Variants in NLRP9 observed in about 807,000 individuals in gnomAD.
NLRP9 encodes the protein NLR family pyrin domain containing 9.
NLRP9 carries 88 observed loss-of-function variants against 83.1 expected under a neutral mutation model. The observed-to-expected ratio is 1.06, with a 90% confidence interval of 0.89 to 1.26. The LOEUF (loss-of-function observed/expected upper bound fraction) is 1.26. NLRP9 is among the 50% of genes most tolerant of loss of function. The pLI is 0.00. For synonymous variants in NLRP9, 521 were observed against 447.6 expected, an observed-to-expected ratio of 1.16 and a Z score of -2.07; for missense variants, 1,308 against 1,179.3, an observed-to-expected ratio of 1.11 and a Z score of -1.60.
intron 1 of NLRP9, among the ~76,000 whole-genome samples, chr19:55,734,282 T>C: frequency 7.1e-6 from 1 of 141,778 alleles, no homozygotes; most frequent in East Asian, 2.1e-4. Context: ...AAGAATTGCT[T>C]GAACCTAGGA....
At chr19:55,728,385 G>A (rs866629138) in intron 3 of NLRP9, among the ~76,000 whole-genome samples, 6 of 152,192 alleles carry the variant, frequency 3.9e-5, no homozygotes, top group Middle Eastern at 3.4e-3. Context: ...GACCAGCCTG[G>A]CCAACATGAT....
At chr19:55,730,238 G>C (rs963308477) in intron 2 of NLRP9, among the ~76,000 whole-genome samples, 12 of 152,178 alleles carry the variant, frequency 7.9e-5, no homozygotes, top group African/African-American at 2.9e-4. Flanking sequence ...AGAATCGCTT[G>C]AGCTTAGGAG....
chr19:55,709,121 A>G (rs111303053), intron 8 of NLRP9, 77 bp from the exon 9 acceptor site: 13 of 984,636 alleles, frequency 1.3e-5, no homozygotes, highest in Admixed American at 1.3e-4. Flanking sequence ...TCTGATGTCT[A>G]CCTCTCCTCT....
chr19:55,730,115 A>C lies in NLRP9; in HGVS notation c.1833-123T>G, dbSNP rs376885408. ...GACAGACACCCAGGCCTGAACAGGG[A>C]GAAGGTCAGCCAGGTAAACGGAGCC... On this transcript the variant is annotated intron_variant, in intron 2 of 8. Transcript: ENST00000332836. 488 of 826,674 alleles carry C rather than the reference A, an allele frequency of 5.9e-4. 7 individuals are homozygous for C. In the South Asian group the frequency reaches 8.2e-3, roughly 14 times the overall value. 51.2% of individuals were successfully genotyped at this position (826,674 alleles called of 1,614,324 possible).
rs10711721 is a variant in NLRP9 at position 55,723,727 on chromosome 19, CAAAAA to C, written c.2159+248_2159+252del. Among the ~76,000 whole-genome samples the C allele has an allele frequency of 7.8e-4, 62 of 79,818 alleles. No homozygotes were observed. The East Asian group carries it at 0.014, about 18-fold the overall frequency. 52.4% of individuals were successfully genotyped at this position (79,818 alleles called of 152,430 possible). On this transcript the variant is annotated intron_variant, in intron 4 of 8. Coordinates refer to ENST00000332836, the MANE Select transcript of NLRP9 (RefSeq NM_176820.4). ...TGGGCAACAGAGTGAGACCCTGTCT[CAAAAA>C]AAAAAAAAAAAAAAAAAGAAGTAAT...
chr19:55,709,248 A>G, intron 8 of NLRP9: 2 of 376,246 alleles, frequency 5.3e-6, no homozygotes, highest in Non-Finnish European at 9.4e-6. Flanking sequence ...GAAATTTCAT[A>G]TACAGGATGT....
intron 3 of NLRP9, among the ~76,000 whole-genome samples, chr19:55,729,073 T>TTTTTTTTA (rs1320598967): frequency 8.9e-6 from 1 of 112,752 alleles, no homozygotes. Flanking sequence ...TTTTTTTTTT[T>TTTTTTTTA]ACAAATTTAA....
At position 55,732,310 on chromosome 19, in the gene NLRP9, C is replaced by T; in HGVS notation, c.1521G>A (p.Leu507=). The T allele has an allele frequency of 6.2e-7, 1 of 1,614,204 alleles. No homozygotes were observed. Among genetic ancestry groups the T allele is most frequent in the Non-Finnish European group, 8.5e-7 (1 of 1,180,028 alleles). Residue 507 remains leucine, a synonymous_variant, in exon 2 of 9, where the codon CTG becomes CTA. Transcript: ENST00000332836. ...GISTEEIVSM[L]ETSFGFPLSK... is the part of the protein sequence containing the mutation. Reference sequence around the variant, plus strand: ...ACAGTGGAAAACCAAAGGAGGTCTCCAGCATGCTGACGATTTCTTCTGTTG... The same window carrying T: ...ACAGTGGAAAACCAAAGGAGGTCTCTAGCATGCTGACGATTTCTTCTGTTG...
intron 7 of NLRP9, 78 bp from the exon 8 acceptor site, chr19:55,712,048 T>TACACACCTCCCGGCAGG: frequency 7.1e-7 from 1 of 1,406,048 alleles, no homozygotes. Flanking sequence ...ACTTGCTAAT[T>TACACACCTCCCGGCAGG]ACACACCTCC....
At chr19:55,729,190 G>A (rs114660929) in intron 3 of NLRP9, among the ~76,000 whole-genome samples, 2,516 of 148,910 alleles carry the variant, frequency 0.017, 72 homozygotes, top group African/African-American at 0.059. Context: ...AGGACTGCTC[G>A]CTCTCTGGCC....
chr19:55,717,510 C>T (rs1469500752), intron 4 of NLRP9, among the ~76,000 whole-genome samples: 1 of 152,212 alleles, frequency 6.6e-6, no homozygotes, highest in African/African-American at 2.4e-5. Context: ...ACGATGGAGG[C>T]AGCCAGGAAT....
At position 55,732,085 on chromosome 19, in the gene NLRP9, T is replaced by A. The variant is rs752768197; in HGVS notation, c.1746A>T (p.Ser582=). 6.2e-7 allele frequency: 1 copy of A among 1,611,022 alleles called. No individual in the cohort carries two copies. The highest frequency in any genetic ancestry group is 8.5e-7 in the Non-Finnish European group (1 of 1,179,160). Residue 582 remains serine, a synonymous_variant, in exon 2 of 9, where the codon TCA becomes TCT. Coordinates refer to ENST00000332836, the MANE Select transcript of NLRP9 (RefSeq NM_176820.4). The part of the protein sequence containing the change: ...IGNIEHLVIA[S]FCLKHCQHLT... ...AATGTTGACAATGCTTCAGGCAGAA[T>A]GAAGCTATTACCAAATGTTCTATGT...
In NLRP9 at chr19:55,709,136, T is replaced by TTTA. The variant is rs2122268481; in HGVS notation, c.2844-95_2844-93dup. 3 of 851,924 alleles carry TTTA rather than the reference T, an allele frequency of 3.5e-6. No individual in the cohort carries two copies. In the South Asian group the frequency reaches 6.5e-5, roughly 18 times the overall value. The allele number at this position is 851,924 out of a possible 1,614,324, so 52.8% of individuals were successfully genotyped here. A position where few individuals can be genotyped will look rare whatever the true frequency, so the allele number is the denominator to read the frequency against. Reference sequence around the variant, plus strand: ...TCTGATGTCTACCTCTCCTCTCCTCTTTATTCTTTCCTAGAAATCACTGGG... The same window carrying TTTA: ...TCTGATGTCTACCTCTCCTCTCCTCTTTATTATTCTTTCCTAGAAATCACTGGG... On this transcript the variant is annotated intron_variant, in intron 8 of 8. Coordinates refer to ENST00000332836, the MANE Select transcript of NLRP9 (RefSeq NM_176820.4).
At chr19:55,723,834 C>A in intron 4 of NLRP9, 146 bp downstream of exon 4, 1 of 623,734 alleles carries the variant, frequency 1.6e-6, no homozygotes, top group Non-Finnish European at 2.7e-6. Flanking sequence ...TCTACCTTCA[C>A]CTTATGAGAG....
chr19:55,730,941 G>A (rs1988553011), intron 2 of NLRP9, among the ~76,000 whole-genome samples: 1 of 152,112 alleles, frequency 6.6e-6, no homozygotes, highest in Non-Finnish European at 1.5e-5. Flanking sequence ...AAAAAAGAAA[G>A]TGGATCCTGA....
chr19:55,725,713 G>A (rs949127130), intron 3 of NLRP9, among the ~76,000 whole-genome samples: 4 of 152,230 alleles, frequency 2.6e-5, no homozygotes, highest in African/African-American at 7.2e-5. Context: ...ACTAACAGGT[G>A]GAAGTGCTAC....
intron 2 of NLRP9, 32 bp from the exon 3 acceptor site, chr19:55,730,024 T>C (rs1168307778): frequency 1.9e-6 from 3 of 1,592,864 alleles, no homozygotes; most frequent in Non-Finnish European, 2.6e-6. Context: ...GATTCTCCAG[T>C]GGCTAAACTC....
In NLRP9 at chr19:55,738,310, T is replaced by C. The variant is rs1212051948; in HGVS notation, c.65A>G (p.Glu22Gly). 1 of 1,614,042 alleles carries C rather than the reference T, an allele frequency of 6.2e-7. No individual in the cohort carries two copies. Residue 22 changes from glutamate (E) to glycine (G), a missense_variant, in exon 1 of 9, where the codon GAG becomes GGG. Coordinates refer to ENST00000332836, the MANE Select transcript of NLRP9 (RefSeq NM_176820.4). The part of the protein sequence containing the change: ...LWYLKELRKE[E>G]FWKFKELLKQ... ...GAGGAGCTCCTTAAATTTCCAAAAC[T>C]CTTCCTTTCTGAGCTCCTTCAGATA...
chr19:55,722,564 G>GGA (rs1988262025), intron 4 of NLRP9, among the ~76,000 whole-genome samples: 1 of 152,176 alleles, frequency 6.6e-6, no homozygotes, highest in South Asian at 2.1e-4. Context: ...CAGTGAACTG[G>GGA]GAGAGAGAAG....
Sources: gnomAD v4.1 joint callset for allele counts (sites outside exome capture counted in the v4.1 genomes callset) on GRCh38, gnomAD v4.1.1 for gene constraint, MANE v1.5 for transcripts, NCBI Gene and HGNC (gene_info 2026-07-23, HGNC 2026-07-21) for gene names.